The following RAX variants were observed in gnomAD, a reference collection of about 807,000 sequenced individuals.
RAX encodes retina and anterior neural fold homeobox.
A neutral mutation model predicts 17.4 loss-of-function variants in RAX; 11 were observed. That is an observed-to-expected ratio of 0.63 (90% confidence interval 0.40 to 1.05). The LOEUF is 1.05. Ranked by LOEUF, RAX falls within the 50% of genes least tolerant of loss-of-function variation. The pLI is 0.00. For synonymous variants in RAX, 276 were observed against 254.7 expected (o/e 1.08, Z -0.80); for missense variants, 527 against 501.1 (o/e 1.05, Z -0.49).
In RAX at chr18:59,269,459, TCTC is replaced by T. The variant is rs1260922778; in HGVS notation, c.583_585del (p.Glu195del). 6.3e-6 allele frequency: 10 copies of T among 1,594,814 alleles called. No homozygotes were observed. The highest frequency in any genetic ancestry group is 7.6e-6 in the Non-Finnish European group (9 of 1,178,794). The stretch of plus-strand genomic sequence containing the variant: ...AGCTTCATGGAGGACACTTCCAGCT[TCTC>T]CTGCCGCCGCCACTTAGCCCGTCGG... On this transcript the variant is annotated inframe_deletion, in exon 3 of 3. Transcript: ENST00000334889.
chr18:59,270,693 A>G (rs551474429), intron 2 of RAX, among the ~76,000 whole-genome samples: 297 of 152,366 alleles, frequency 1.9e-3, no homozygotes, highest in African/African-American at 6.6e-3. Flanking sequence ...CTGAAAGAAC[A>G]GCAATCCAGC....
At position 59,269,130 on chromosome 18, in the gene RAX, G is replaced by C. The variant is rs763693479; in HGVS notation, c.915C>G (p.Cys305Trp). Residue 305 changes from cysteine to tryptophan, a missense_variant, in exon 3 of 3, where the codon TGC (cysteine) becomes TGG (tryptophan). Physicochemically the swap from Cys to Trp is radical, Grantham distance 215. Transcript: ENST00000334889. ...GGAACTTGTCCCCGAAGCCGGGCCCGCACGGGTAGGAGGGCGGCGGCGGCG... is the reference window on the plus strand; with the variant it reads ...GGAACTTGTCCCCGAAGCCGGGCCCCCACGGGTAGGAGGGCGGCGGCGGCG... ...PLAPPPPSYP[C>W]GPGFGDKFPL... 6 of 1,604,962 alleles carry C rather than the reference G, an allele frequency of 3.7e-6. No individual in the cohort carries two copies. Among genetic ancestry groups the C allele is most frequent in the Non-Finnish European group, 4.3e-6 (5 of 1,176,126 alleles).
At chr18:59,270,354 T>C (rs555270234) in intron 2 of RAX, among the ~76,000 whole-genome samples, 1 of 152,342 alleles carries the variant, frequency 6.6e-6, no homozygotes, top group South Asian at 2.1e-4. Context: ...AATTTTGACA[T>C]TACCCTAAGA....
Position 59,268,955 on chromosome 18 carries a change from T to G in RAX, c.*49A>C, listed in dbSNP as rs1233566822. The G allele has an allele frequency of 1.2e-6, 2 of 1,612,296 alleles. No individual in the cohort carries two copies. The highest frequency in any genetic ancestry group is 1.3e-5 in the African/African-American group (1 of 74,882). On this transcript the variant is annotated 3_prime_UTR_variant, in exon 3 of 3. Coordinates refer to ENST00000334889, the MANE Select transcript of RAX (RefSeq NM_013435.3). This position sits in a 1 kb window ranked among gnomAD's most constrained non-coding sequence, Gnocchi z 4.4. ...TTGTCCCTGGGAGAGAGGATGCGGG[T>G]ACGGTGCGGTCGGCCCGGGGTCGGA...
At chr18:59,270,433 G>A (rs2070328931) in intron 2 of RAX, among the ~76,000 whole-genome samples, 1 of 152,152 alleles carries the variant, frequency 6.6e-6, no homozygotes, top group Admixed American at 6.5e-5. Context: ...CAAGAGTAAC[G>A]TCGGGTTCTT....
chr18:59,270,736 C>T (rs954005334), intron 2 of RAX, among the ~76,000 whole-genome samples: 2 of 152,188 alleles, frequency 1.3e-5, no homozygotes, highest in Non-Finnish European at 2.9e-5. Context: ...GTGTGAGAGG[C>T]TGCAATTAGG....
chr18:59,272,574 C>T lies in RAX; in HGVS notation c.330G>A (p.Arg110=). The T allele has an allele frequency of 1.9e-6, 3 of 1,613,720 alleles. No homozygotes were observed. Among genetic ancestry groups the T allele is most frequent in the East Asian group, 2.2e-5 (1 of 44,854 alleles). ...PYCPKEPGEA[R]PSPGLPVGPA... is the part of the protein sequence containing the mutation. ...GCCCGACGGGCAGCCCTGGGCTCGG[C>T]CGTGCCTCCCCGGGCTCCTTGGGGC... Residue 110 remains arginine, a synonymous_variant, in exon 2 of 3, where the codon CGG becomes CGA. Transcript: ENST00000334889.
In RAX at chr18:59,273,078, C is replaced by T. The variant is rs753759434; in HGVS notation, c.129G>A (p.Lys43=). Residue 43 remains lysine (K), a synonymous_variant, in exon 1 of 3, where the codon AAG becomes AAA. Coordinates refer to ENST00000334889, the MANE Select transcript of RAX (RefSeq NM_013435.3). ...HSIEAILGFT[K]DDGILGTFPA... ...GGAAGGTGCCGAGGATCCCGTCGTC[C>T]TTGGTAAACCCCAGGATGGCCTCGA... is the stretch of plus-strand genomic sequence containing the variant. The T allele has an allele frequency of 1.3e-5, 20 of 1,535,118 alleles. No homozygotes were observed. Among genetic ancestry groups the T allele is most frequent in the Non-Finnish European group, 1.7e-5 (20 of 1,146,372 alleles).
Position 59,268,011 on chromosome 18 carries a change from G to A in RAX, c.*993C>T, listed in dbSNP as rs2070296074. On this transcript the variant is annotated 3_prime_UTR_variant, in exon 3 of 3. Coordinates refer to ENST00000334889, the MANE Select transcript of RAX (RefSeq NM_013435.3). The surrounding 1 kb of genome is among the most constrained non-coding windows in gnomAD (Gnocchi z 4.4). Reference sequence around the variant, plus strand: ...AGTCTCGCGGCTCCGAAAAGGAAAAGCATCTCTTTGCCTCAGTTCTTGTAC... The same window carrying A: ...AGTCTCGCGGCTCCGAAAAGGAAAAACATCTCTTTGCCTCAGTTCTTGTAC... The A allele has an allele frequency of 6.6e-6, 1 of 152,234 alleles. No homozygotes were observed. 9.4% of individuals were successfully genotyped at this position (152,234 alleles called of 1,614,324 possible).
Position 59,273,353 on chromosome 18 carries a change from G to C in RAX, c.-147C>G, listed in dbSNP as rs1036478110. ...AAGCCCGCCCGGGCTGCGCACGCTG[G>C]GGGTGGCCGAGCGCTCAGCCCGCTG... On this transcript the variant is annotated 5_prime_UTR_variant, in exon 1 of 3. Transcript: ENST00000334889. 4.5e-6 allele frequency: 4 copies of C among 886,328 alleles called. No individual in the cohort carries two copies. The highest frequency in any genetic ancestry group is 3.1e-5 in the East Asian group (1 of 32,652). The allele number at this position is 886,328 out of a possible 1,614,324, so 54.9% of individuals were successfully genotyped here. A position where few individuals can be genotyped will look rare whatever the true frequency, so the allele number is the denominator to read the frequency against.
rs1250053460 is a variant in RAX, at chr18:59,267,647, T to G, written c.*1357A>C. 2 of 61,004 alleles carry G rather than the reference T, an allele frequency of 3.3e-5. No individual in the cohort carries two copies. Among genetic ancestry groups the G allele is most frequent in the Admixed American group, 4.4e-4 (2 of 4,516 alleles). The allele number at this position is 61,004 out of a possible 1,614,324, so 3.8% of individuals were successfully genotyped here. A position where few individuals can be genotyped will look rare whatever the true frequency, so the allele number is the denominator to read the frequency against. ...GGGGTGGACGCCCCCCCCCCCCCCGTGCCAGGACCTGTTGGCGGGCATCCA... is the reference window on the plus strand; with the variant it reads ...GGGGTGGACGCCCCCCCCCCCCCCGGGCCAGGACCTGTTGGCGGGCATCCA... On this transcript the variant is annotated 3_prime_UTR_variant, in exon 3 of 3. Coordinates refer to ENST00000334889, the MANE Select transcript of RAX (RefSeq NM_013435.3).
rs1355301708 is a variant in RAX at position 59,273,134 on chromosome 18, G to A, written c.73C>T (p.Pro25Ser). ...TGAAGTCGCGAGGTGCTCCCGCCCGGGCTGCGGAGCAGGTGGCCGGCAAGC... is the reference window on the plus strand; with the variant it reads ...TGAAGTCGCGAGGTGCTCCCGCCCGAGCTGCGGAGCAGGTGGCCGGCAAGC... ...FSLAGHLLRS[P>S]GGSTSRLHSI... is the part of the protein sequence containing the mutation. The change falls in exon 1 of 3, where the codon CCG becomes TCG. Residue 25 changes from proline to serine, a missense_variant. Transcript: ENST00000334889. 2 of 1,534,778 alleles carry A rather than the reference G, an allele frequency of 1.3e-6. No homozygotes were observed. Among genetic ancestry groups the A allele is most frequent in the African/African-American group, 2.7e-5 (2 of 72,958 alleles).
At chr18:59,269,650 C>T in intron 2 of RAX, 149 bp from the exon 3 acceptor site, 1 of 819,966 alleles carries the variant, frequency 1.2e-6, no homozygotes. Flanking sequence ...GAGAGAGGCC[C>T]GGATCTTCCT....
intron 2 of RAX, among the ~76,000 whole-genome samples, chr18:59,271,029 G>C (rs1291866736): frequency 6.6e-6 from 1 of 152,088 alleles, no homozygotes; most frequent in East Asian, 1.9e-4. Flanking sequence ...TGCTGCCCTC[G>C]GTGTGGGAGA....
chr18:59,272,875 C>T (rs2070350919), intron 1 of RAX, 43 bp downstream of exon 1: 14 of 1,490,282 alleles, frequency 9.4e-6, no homozygotes, highest in Non-Finnish European at 1.1e-5. Context: ...CTCCTAAGCT[C>T]GGGCGCCCGA....
rs746285051 is a variant in RAX, at chr18:59,269,177, C to T, written c.868G>A (p.Gly290Ser). The change falls in exon 3 of 3, where the codon GGC (glycine) becomes AGC (serine). Residue 290 changes from glycine to serine, a missense_variant. Physicochemically the swap from Gly to Ser is moderately conservative, Grantham distance 56 (BLOSUM62 0). Transcript: ENST00000334889. The part of the protein sequence containing the change: ...PPPFLNSPPL[G>S]PGLQPLAPPP... ...GGCGCGAGAGGTTGCAGGCCGGGGC[C>T]CAACGGCGGGGAGTTCAGGAAGGGC... is the stretch of plus-strand genomic sequence containing the variant. The T allele has an allele frequency of 2.6e-6, 4 of 1,559,122 alleles. No homozygotes were observed. The highest frequency in any genetic ancestry group is 1.4e-5 in the African/African-American group (1 of 73,734).
In RAX at chr18:59,272,523, T is replaced by C; in HGVS notation, c.381A>G (p.Ser127=). ...VGPATGEAKL[S]EEEQPKKKHR... is the part of the protein sequence containing the mutation. ...GCTTTTTCTTGGGCTGTTCCTCCTCTGACAGTTTCGCTTCGCCGGTGGCTG... is the reference window on the plus strand; with the variant it reads ...GCTTTTTCTTGGGCTGTTCCTCCTCCGACAGTTTCGCTTCGCCGGTGGCTG... Residue 127 remains serine (S), a synonymous_variant, in exon 2 of 3, where the codon TCA becomes TCG. Transcript: ENST00000334889. The C allele has an allele frequency of 1.2e-6, 2 of 1,614,220 alleles. No homozygotes were observed. The highest frequency in any genetic ancestry group is 1.7e-6 in the Non-Finnish European group (2 of 1,180,028).
intron 1 of RAX, 55 bp from the exon 2 acceptor site, chr18:59,272,669 C>G: frequency 1.3e-6 from 2 of 1,534,618 alleles, no homozygotes; most frequent in Non-Finnish European, 1.7e-6. Flanking sequence ...ACCCTTGGGC[C>G]GACCCCGCCT....
chr18:59,273,209 G>A lies in RAX; in HGVS notation c.-3C>T. On this transcript the variant is annotated 5_prime_UTR_variant, in exon 1 of 3. Coordinates refer to ENST00000334889, the MANE Select transcript of RAX (RefSeq NM_013435.3). ...GGCGCGCAGCCCGGCAGGTGCATGG[G>A]GAGCGCCGGGAGGCGGGAGGGCGCT... is the stretch of plus-strand genomic sequence containing the variant. The A allele has an allele frequency of 6.6e-7, 1 of 1,526,616 alleles. No homozygotes were observed. The highest frequency in any genetic ancestry group is 2.5e-5 in the East Asian group (1 of 40,390). 94.6% of individuals were successfully genotyped at this position (1,526,616 alleles called of 1,614,324 possible).
Sources: allele counts gnomAD v4.1 joint callset (sites outside exome capture counted in the v4.1 genomes callset), GRCh38; gene constraint gnomAD v4.1.1; non-coding constraint Gnocchi (gnomAD v3.1); transcripts MANE v1.5; gene names NCBI Gene and HGNC (gene_info 2026-07-23, HGNC 2026-07-21).